The following RNF216 variants were observed in gnomAD, a reference collection of about 807,000 sequenced individuals.
RNF216 encodes ring finger protein 216.
A neutral mutation model predicts 110.8 loss-of-function variants in RNF216; 72 were observed. The observed-to-expected ratio is 0.65, with a 90% CI of 0.54 to 0.79. RNF216 has a LOEUF of 0.79. RNF216 is among the 30% of genes least tolerant of loss of function. RNF216 has a pLI of 0.00. For synonymous variants in RNF216, 495 were observed against 407.5 expected (o/e 1.21, Z -2.59); for missense variants, 1,342 against 1,141.2 (o/e 1.18, Z -2.54).
intron 13 of RNF216, among the ~76,000 whole-genome samples, chr7:5,675,816 T>C (rs1375246465): frequency 6.6e-6 from 1 of 150,396 alleles, no homozygotes; most frequent in African/African-American, 2.4e-5. Flanking sequence ...TTCAAGAGAT[T>C]CTCCTGCCTC....
At chr7:5,683,458 T>C (rs1310416730) in intron 13 of RNF216, among the ~76,000 whole-genome samples, 2 of 152,112 alleles carry the variant, frequency 1.3e-5, no homozygotes, top group Non-Finnish European at 2.9e-5. Context: ...GCTCACCACA[T>C]CCTGAGGTGG....
Position 5,643,399 on chromosome 7 carries a change from C to A in RNF216, c.2160-2023G>T, listed in dbSNP as rs561491605. 2.6e-5 allele frequency among the ~76,000 whole-genome samples: 4 copies of A among 151,136 alleles called. No individual in the cohort carries two copies. The East Asian group carries it at 7.8e-4, about 29-fold the overall frequency. ...TTCTCAACCAGGCAGGAAACACAGC[C>A]CCGCAGGATGTGCTCCCGGGGCAGG... is the stretch of plus-strand genomic sequence containing the variant. On this transcript the variant is annotated intron_variant, in intron 14 of 16. Coordinates refer to ENST00000389902, the MANE Select transcript of RNF216 (RefSeq NM_207111.4).
intron 2 of RNF216, among the ~76,000 whole-genome samples, chr7:5,759,782 C>T (rs1294586518): frequency 6.6e-6 from 1 of 151,946 alleles, no homozygotes; most frequent in African/African-American, 2.4e-5. Flanking sequence ...CAGGCATGCA[C>T]CACCACGCCC....
At chr7:5,644,847 C>T (rs1471692185) in intron 14 of RNF216, among the ~76,000 whole-genome samples, 2 of 134,012 alleles carry the variant, frequency 1.5e-5, no homozygotes, top group East Asian at 4.2e-4. Flanking sequence ...TTTTTTGAAA[C>T]GGAGTCTTGC....
intron 15 of RNF216, among the ~76,000 whole-genome samples, chr7:5,634,510 A>C (rs1485389624): frequency 6.6e-6 from 1 of 152,208 alleles, no homozygotes; most frequent in East Asian, 1.9e-4. Flanking sequence ...GGGAGGGAGC[A>C]GCAGAGCTTG....
At chr7:5,664,467 T>A (rs1789374024) in intron 13 of RNF216, among the ~76,000 whole-genome samples, 1 of 152,202 alleles carries the variant, frequency 6.6e-6, no homozygotes, top group Non-Finnish European at 1.5e-5. Flanking sequence ...ATGTTTCAAT[T>A]AGGATGTTCT....
At chr7:5,711,931 T>G in intron 12 of RNF216, 92 bp from the exon 13 acceptor site, 1 of 1,108,986 alleles carries the variant, frequency 9.0e-7, no homozygotes, top group Non-Finnish European at 1.3e-6. Flanking sequence ...AAGATGGAGT[T>G]TTGAGCTGGA....
At chr7:5,647,619 A>G (rs1362773971) in intron 14 of RNF216, among the ~76,000 whole-genome samples, 1 of 151,798 alleles carries the variant, frequency 6.6e-6, no homozygotes, top group Non-Finnish European at 1.5e-5. Flanking sequence ...CCGGTGTGGC[A>G]GCCATTCATT....
chr7:5,688,283 G>A (rs1157643438), intron 13 of RNF216, among the ~76,000 whole-genome samples: 1 of 152,138 alleles, frequency 6.6e-6, no homozygotes, highest in Non-Finnish European at 1.5e-5. Flanking sequence ...TTGAGCCAAG[G>A]TAAAACCTGT....
chr7:5,728,011 T>C (rs1056965956), intron 7 of RNF216, among the ~76,000 whole-genome samples: 18 of 152,116 alleles, frequency 1.2e-4, no homozygotes, highest in African/African-American at 4.1e-4. Flanking sequence ...TCCCAATGAA[T>C]TATTTTTACT....
At chr7:5,736,753 G>A (rs528916975) in intron 5 of RNF216, among the ~76,000 whole-genome samples, 1 of 151,708 alleles carries the variant, frequency 6.6e-6, no homozygotes, top group Admixed American at 6.6e-5. Context: ...GATGTGAGGA[G>A]CGCCTCTGCC....
At chr7:5,736,106 T>C (rs1399324144) in intron 5 of RNF216, among the ~76,000 whole-genome samples, 1 of 79,554 alleles carries the variant, frequency 1.3e-5, no homozygotes, top group African/African-American at 3.4e-5. Flanking sequence ...AATAAATAAA[T>C]AGCTCTCCCT....
rs755477173 is a variant in RNF216, at chr7:5,696,026, G to T, written c.2061+15735C>A. Among the ~76,000 whole-genome samples, 6 of 152,296 alleles carry T rather than the reference G, an allele frequency of 3.9e-5. No individual in the cohort carries two copies. Among genetic ancestry groups the T allele is most frequent in the Admixed American group, 2.0e-4 (3 of 15,300 alleles). On this transcript the variant is annotated intron_variant, in intron 13 of 16. Coordinates refer to ENST00000389902, the MANE Select transcript of RNF216 (RefSeq NM_207111.4). This position sits in a 1 kb window ranked among gnomAD's most constrained non-coding sequence, Gnocchi z 5.4. Reference sequence around the variant, plus strand: ...AAGGGAGGGTACCCCACTTGAAGGAGGGGCTGTGGCTCTCAGCACAACCCA... The same window carrying T: ...AAGGGAGGGTACCCCACTTGAAGGATGGGCTGTGGCTCTCAGCACAACCCA...
chr7:5,680,778 T>TC lies in RNF216; in HGVS notation c.2062-28269dup, dbSNP rs760021344. On this transcript the variant is annotated intron_variant, in intron 13 of 16. Coordinates refer to ENST00000389902, the MANE Select transcript of RNF216 (RefSeq NM_207111.4). This position sits in a 1 kb window ranked among gnomAD's most constrained non-coding sequence, Gnocchi z 4.3. ...GAAGCACCACTTCTGGCCCCTGGGCTCCCCTGTATCCCTGAAGGACACAGC... is the reference window on the plus strand; with the variant it reads ...GAAGCACCACTTCTGGCCCCTGGGCTCCCCCTGTATCCCTGAAGGACACAGC... Among the ~76,000 whole-genome samples the TC allele has an allele frequency of 4.6e-5, 7 of 152,066 alleles. No homozygotes were observed. Among genetic ancestry groups the TC allele is most frequent in the Non-Finnish European group, 1.0e-4 (7 of 68,018 alleles).
chr7:5,702,859 G>A (rs1792057440), intron 13 of RNF216, among the ~76,000 whole-genome samples: 1 of 152,240 alleles, frequency 6.6e-6, no homozygotes, highest in South Asian at 2.1e-4. Context: ...AGGCTCACAG[G>A]GATGGTGTCT....
In RNF216 at chr7:5,729,436, C is replaced by T. The variant is rs1160967933; in HGVS notation, c.1385G>A (p.Arg462Gln). 6.2e-7 allele frequency: 1 copy of T among 1,614,020 alleles called. No individual in the cohort carries two copies. The highest frequency in any genetic ancestry group is 8.5e-7 in the Non-Finnish European group (1 of 1,179,988). Residue 462 changes from arginine (R) to glutamine (Q), a missense_variant, in exon 7 of 17, where the codon CGA becomes CAA. Coordinates refer to ENST00000389902, the MANE Select transcript of RNF216 (RefSeq NM_207111.4). ...CAGGAAGACCAAGTAGAGTACCTTT[C>T]GGGTGATTGCATAGTGTCCTTTGAG... ...HELKGHYAIT[R>Q]KALSDAIKKW...
At chr7:5,653,194 A>C (rs1001496205) in intron 13 of RNF216, among the ~76,000 whole-genome samples, 2 of 152,190 alleles carry the variant, frequency 1.3e-5, no homozygotes, top group African/African-American at 4.8e-5. Context: ...GTTTCACTTC[A>C]TATATAAACA....
In RNF216 at chr7:5,688,925, T is replaced by C. The variant is rs568356385; in HGVS notation, c.2061+22836A>G. ...TATAAAGTTTAAGTCTGAACTCAAA[T>C]GTTGACTGAATGAGAGAAGCGGGAA... On this transcript the variant is annotated intron_variant, in intron 13 of 16. Coordinates refer to ENST00000389902, the MANE Select transcript of RNF216 (RefSeq NM_207111.4). 2.6e-5 allele frequency among the ~76,000 whole-genome samples: 4 copies of C among 152,312 alleles called. No individual in the cohort carries two copies. In the South Asian group the frequency reaches 8.3e-4, roughly 32 times the overall value.
At chr7:5,660,331 C>T (rs1789031214) in intron 13 of RNF216, among the ~76,000 whole-genome samples, 1 of 106,816 alleles carries the variant, frequency 9.4e-6, no homozygotes, top group African/African-American at 3.6e-5. Flanking sequence ...CTCGCTTTGT[C>T]ACCAGGCTAG....
Sources: gnomAD v4.1 joint callset for allele counts (sites outside exome capture counted in the v4.1 genomes callset) on GRCh38, gnomAD v4.1.1 for gene constraint, Gnocchi (gnomAD v3.1) non-coding constraint, MANE v1.5 for transcripts, NCBI Gene and HGNC (gene_info 2026-07-23, HGNC 2026-07-21) for gene names.